The following DOP1B variants were observed in gnomAD, a reference collection of about 807,000 sequenced individuals.
DOP1B encodes the protein DOP1 leucine zipper like protein B, also known as protein DOP1B.
Under a neutral mutation model 233.5 loss-of-function variants are expected in DOP1B, and 174 were observed. The observed-to-expected ratio is 0.75, with a 90% confidence interval of 0.66 to 0.85. The LOEUF is 0.85. Among genes scored for constraint, DOP1B ranks in the 40% least tolerant of loss-of-function variants. The probability of loss-of-function intolerance (pLI) is 0.00; values close to 1 mark genes in which losing one functional copy is unlikely to be tolerated. For missense variants in DOP1B, 2,652 were observed against 2,846.6 expected (o/e 0.93, Z 1.56); for synonymous variants, 1,190 against 1,185.6 (o/e 1.00, Z -0.08).
chr21:36,287,194 A>G (rs1192434604), intron 32 of DOP1B, among the ~76,000 whole-genome samples: 1 of 152,138 alleles, frequency 6.6e-6, no homozygotes, highest in African/African-American at 2.4e-5. Context: ...TTTTCCCTCC[A>G]TAGGAATGAA....
chr21:36,283,936 C>CTTTTTTTTTTTTTTTTT (rs547999186), intron 32 of DOP1B, among the ~76,000 whole-genome samples: 1 of 100,992 alleles, frequency 9.9e-6, no homozygotes, highest in Non-Finnish European at 1.9e-5. Flanking sequence ...ACACCTGTTC[C>CTTTTTTTTTTTTTTTTT]TTTTTTTTTT....
At chr21:36,169,789 G>A in intron 2 of DOP1B, 2 of 1,254,364 alleles carry the variant, frequency 1.6e-6, no homozygotes, top group Non-Finnish European at 2.3e-6. Context: ...GCAGTACTTG[G>A]TAAAGGCCTT....
intron 2 of DOP1B, among the ~76,000 whole-genome samples, chr21:36,185,873 G>C (rs936675595): frequency 6.6e-6 from 1 of 152,206 alleles, no homozygotes; most frequent in African/African-American, 2.4e-5. Flanking sequence ...TACCCGCTGT[G>C]AGGCAGCGGT....
chr21:36,290,473 C>T (rs1255125823), intron 35 of DOP1B, among the ~76,000 whole-genome samples: 1 of 151,238 alleles, frequency 6.6e-6, no homozygotes, highest in Non-Finnish European at 1.5e-5. Flanking sequence ...CCAGCCCGGC[C>T]AACATGGTGA....
At chr21:36,218,021 T>C in intron 9 of DOP1B, among the ~76,000 whole-genome samples, 1 of 152,320 alleles carries the variant, frequency 6.6e-6, no homozygotes, top group African/African-American at 2.4e-5. Context: ...TAATTTACTC[T>C]TTCCAATTTT....
Position 36,288,744 on chromosome 21 carries a change from T to C in DOP1B, c.6298-12T>C, listed in dbSNP as rs1292943566. On this transcript the variant is annotated splice_polypyrimidine_tract_variant and intron_variant, in intron 33 of 36. Coordinates refer to ENST00000691173, the MANE Select transcript of DOP1B (RefSeq NM_001320714.2). ...TGTCTCAGATAGTAACTTGAATGCA[T>C]TTTTTTTTCAGATTCAGACATTCAC... 8.6e-6 allele frequency: 13 copies of C among 1,517,930 alleles called. No homozygotes were observed. Among genetic ancestry groups the C allele is most frequent in the Non-Finnish European group, 1.2e-5 (13 of 1,122,320 alleles). The allele number at this position is 1,517,930 out of a possible 1,614,324, so 94.0% of individuals were successfully genotyped here. A position where few individuals can be genotyped will look rare whatever the true frequency, so the allele number is the denominator to read the frequency against.
At chr21:36,157,332 C>T (rs573570815) in intron 1 of DOP1B, among the ~76,000 whole-genome samples, 1 of 152,196 alleles carries the variant, frequency 6.6e-6, no homozygotes. Context: ...AAGAGACGCT[C>T]AGCCTTTGTT....
rs1165636640 is a variant in DOP1B, at chr21:36,241,503, C to CTTTT, written c.3067+1568_3067+1571dup. Reference sequence around the variant, plus strand: ...TTTCTTATCCTGTATTTATCTTAATCTTTTTTTTTTTTTTTTTTTTTTTGA... The same window carrying CTTTT: ...TTTCTTATCCTGTATTTATCTTAATCTTTTTTTTTTTTTTTTTTTTTTTTTTTGA... On this transcript the variant is annotated intron_variant, in intron 18 of 36. Transcript: ENST00000691173. Among the ~76,000 whole-genome samples, 341 of 76,504 alleles carry CTTTT rather than the reference C, an allele frequency of 4.5e-3. 4 individuals are homozygous for CTTTT. Among genetic ancestry groups the CTTTT allele is most frequent in the East Asian group, 4.9e-3 (12 of 2,474 alleles). 50.2% of individuals were successfully genotyped at this position (76,504 alleles called of 152,430 possible). A position where few individuals can be genotyped will look rare whatever the true frequency, so the allele number is the denominator to read the frequency against.
At position 36,200,385 on chromosome 21, in the gene DOP1B, G is replaced by A. The variant is rs145005014; in HGVS notation, c.375G>A (p.Leu125=). 1 of 1,613,484 alleles carries A rather than the reference G, an allele frequency of 6.2e-7. No individual in the cohort carries two copies. Among genetic ancestry groups the A allele is most frequent in the Non-Finnish European group, 8.5e-7 (1 of 1,179,944 alleles). ...AHAAVSVRPV[L]LTLYEKYFLP... ...CGGCGGTGTCGGTGAGGCCGGTGCT[G>A]CTCACCCTGTACGAGAAGTACTTCC... is the stretch of plus-strand genomic sequence containing the variant. Residue 125 remains leucine, a synonymous_variant, in exon 4 of 37, where the codon CTG becomes CTA. Coordinates refer to ENST00000691173, the MANE Select transcript of DOP1B (RefSeq NM_001320714.2).
chr21:36,158,597 G>A (rs1247474671), intron 1 of DOP1B, among the ~76,000 whole-genome samples: 1 of 152,124 alleles, frequency 6.6e-6, no homozygotes, highest in African/African-American at 2.4e-5. Context: ...AAGGTCAGGA[G>A]ATCAAGACCA....
At chr21:36,229,811 A>G (rs2066737836) in intron 13 of DOP1B, among the ~76,000 whole-genome samples, 1 of 150,766 alleles carries the variant, frequency 6.6e-6, no homozygotes, top group Non-Finnish European at 1.5e-5. Flanking sequence ...ACAGGCACCC[A>G]CCACCATGCC....
intron 32 of DOP1B, among the ~76,000 whole-genome samples, chr21:36,287,634 T>A (rs930264587): frequency 7.6e-6 from 1 of 130,894 alleles, no homozygotes; most frequent in Non-Finnish European, 1.6e-5. Context: ...TCACCCAGGC[T>A]GGAGTGCAGT....
chr21:36,214,398 T>G (rs774865327), intron 8 of DOP1B, 44 bp from the exon 9 acceptor site: 1 of 1,565,658 alleles, frequency 6.4e-7, no homozygotes, highest in East Asian at 2.2e-5. Flanking sequence ...TGTTACACTT[T>G]ATGATATACG....
At chr21:36,217,544 C>T (rs919936197) in intron 9 of DOP1B, among the ~76,000 whole-genome samples, 1 of 152,166 alleles carries the variant, frequency 6.6e-6, no homozygotes, top group Non-Finnish European at 1.5e-5. Context: ...TCAGAGAAGT[C>T]CTACCCGAGA....
intron 18 of DOP1B, among the ~76,000 whole-genome samples, chr21:36,242,089 T>A (rs1419001088): frequency 2.6e-5 from 4 of 151,932 alleles, no homozygotes; most frequent in Non-Finnish European, 5.9e-5. Flanking sequence ...GCAGCTACAT[T>A]TTTTAGTATT....
chr21:36,245,038 T>A lies in DOP1B; in HGVS notation c.3068-10T>A, dbSNP rs1294934251. ...CTGTCTAAAGTCATTTGTCATCTTG[T>A]AATTTTCAGATGACTTGCACCGTTG... On this transcript the variant is annotated splice_polypyrimidine_tract_variant and intron_variant, in intron 18 of 36. Transcript: ENST00000691173. The surrounding 1 kb of genome is among the most constrained non-coding windows in gnomAD (Gnocchi z 5.5). 1.9e-6 allele frequency: 3 copies of A among 1,583,568 alleles called. No individual in the cohort carries two copies. Among genetic ancestry groups the A allele is most frequent in the African/African-American group, 2.7e-5 (2 of 74,192 alleles).
chr21:36,227,312 C>T (rs1046883691), intron 12 of DOP1B, among the ~76,000 whole-genome samples: 5 of 151,832 alleles, frequency 3.3e-5, no homozygotes, highest in African/African-American at 4.8e-5. Context: ...CTTTGGGAGG[C>T]CAAGGTGGAT....
intron 18 of DOP1B, among the ~76,000 whole-genome samples, chr21:36,240,167 C>A (rs1381231223): frequency 6.6e-6 from 1 of 152,020 alleles, no homozygotes; most frequent in Non-Finnish European, 1.5e-5. Context: ...ACTGAAAAAC[C>A]AGATTGTTTT....
intron 4 of DOP1B, among the ~76,000 whole-genome samples, chr21:36,204,371 A>G (rs1453464209): frequency 6.6e-6 from 1 of 152,276 alleles, no homozygotes; most frequent in East Asian, 1.9e-4. Flanking sequence ...GTCCTGTCCC[A>G]TTAAAGAGTT....
Sources: allele counts gnomAD v4.1 joint callset (sites outside exome capture counted in the v4.1 genomes callset), GRCh38; gene constraint gnomAD v4.1.1; non-coding constraint Gnocchi (gnomAD v3.1); transcripts MANE v1.5; gene names NCBI Gene and HGNC (gene_info 2026-07-23, HGNC 2026-07-21).